XXYLT1: variants seen among roughly 807,000 people sequenced by gnomAD.
XXYLT1 encodes the protein UDP-xylose:alpha-xyloside alpha-1,3-xylosyltransferase.
In XXYLT1, 20 loss-of-function variants were observed where a neutral mutation model predicts 28.9. The ratio of observed to expected loss-of-function variants is 0.69; its 90% CI spans 0.49 to 1.00. XXYLT1 has a LOEUF of 1.00. XXYLT1 is among the 50% of genes least tolerant of loss of function. The pLI, the probability that XXYLT1 is intolerant of heterozygous loss-of-function variation, is 0.00. For synonymous variants in XXYLT1, 257 were observed against 253.8 expected, an observed-to-expected ratio of 1.01 and a Z score of -0.12; for missense variants, 542 against 560.1, an observed-to-expected ratio of 0.97 and a Z score of 0.33.
At chr3:195,104,160 C>T (rs1010348447) in intron 3 of XXYLT1, among the ~76,000 whole-genome samples, 2 of 151,336 alleles carry the variant, frequency 1.3e-5, no homozygotes, top group African/African-American at 4.9e-5. Context: ...TTTGGGAGCA[C>T]ACACCCACTG....
chr3:195,201,630 G>A (rs559567221), intron 2 of XXYLT1, among the ~76,000 whole-genome samples: 4 of 152,134 alleles, frequency 2.6e-5, no homozygotes, highest in East Asian at 1.9e-4. Flanking sequence ...GGCTTTTCAC[G>A]CTTTTGGCTC....
chr3:195,106,661 T>G (rs1717111875), intron 3 of XXYLT1, among the ~76,000 whole-genome samples: 1 of 152,220 alleles, frequency 6.6e-6, no homozygotes, highest in African/African-American at 2.4e-5. Flanking sequence ...GGGAGGGGCC[T>G]GGGGCGCCCC....
At chr3:195,075,049 C>T (rs1486522881) in intron 3 of XXYLT1, among the ~76,000 whole-genome samples, 2 of 152,116 alleles carry the variant, frequency 1.3e-5, no homozygotes, top group Non-Finnish European at 2.9e-5. Flanking sequence ...GTCAGGAGTT[C>T]GAGACCAGCC....
intron 1 of XXYLT1, among the ~76,000 whole-genome samples, chr3:195,265,035 C>T (rs186486647): frequency 7.2e-5 from 11 of 151,832 alleles, no homozygotes; most frequent in Non-Finnish European, 1.6e-4. Flanking sequence ...CTACTCTAGC[C>T]TGCGCGGCAG....
intron 3 of XXYLT1, among the ~76,000 whole-genome samples, chr3:195,139,280 A>C (rs555901240): frequency 6.6e-6 from 1 of 152,292 alleles, no homozygotes; most frequent in East Asian, 1.9e-4. Flanking sequence ...GACCCAGGAG[A>C]CTACGTCTGA....
intron 2 of XXYLT1, among the ~76,000 whole-genome samples, chr3:195,165,736 A>C (rs966839293): frequency 1.3e-5 from 2 of 152,108 alleles, no homozygotes; most frequent in African/African-American, 4.8e-5. Flanking sequence ...GGTGCTGTTG[A>C]TACTACATCT....
At chr3:195,199,374 G>A (rs933154752) in intron 2 of XXYLT1, among the ~76,000 whole-genome samples, 1 of 152,198 alleles carries the variant, frequency 6.6e-6, no homozygotes, top group Non-Finnish European at 1.5e-5. Context: ...CACTTTGGGA[G>A]AGTGAGGCAG....
At chr3:195,099,763 G>A (rs1388804478) in intron 3 of XXYLT1, among the ~76,000 whole-genome samples, 4 of 148,718 alleles carry the variant, frequency 2.7e-5, no homozygotes, top group Admixed American at 6.8e-5. Context: ...CCTGGGAGGC[G>A]GAGCTTGCAG....
At chr3:195,187,285 G>A (rs551461329) in intron 2 of XXYLT1, among the ~76,000 whole-genome samples, 10 of 149,578 alleles carry the variant, frequency 6.7e-5, no homozygotes, top group East Asian at 4.0e-4. Flanking sequence ...TATTTGTCTC[G>A]AACTCCTGAC....
chr3:195,116,315 A>T (rs1718040222), intron 3 of XXYLT1, among the ~76,000 whole-genome samples: 2 of 152,222 alleles, frequency 1.3e-5, no homozygotes, highest in Non-Finnish European at 2.9e-5. Flanking sequence ...AGAATGCTTT[A>T]AGCCAATGCT....
intron 1 of XXYLT1, chr3:195,259,496 G>A (rs999630004): frequency 1.2e-6 from 1 of 841,972 alleles, no homozygotes; most frequent in Non-Finnish European, 1.4e-6. Flanking sequence ...CAGCAGGGAG[G>A]CCTTCGGGCC....
At chr3:195,131,239 C>T (rs1718895569) in intron 3 of XXYLT1, among the ~76,000 whole-genome samples, 1 of 152,222 alleles carries the variant, frequency 6.6e-6, no homozygotes, top group Non-Finnish European at 1.5e-5. Flanking sequence ...AGCCGAACCA[C>T]CCTCTTTCCG....
rs1371231554 is a variant in XXYLT1, at chr3:195,068,552, G to A, written c.*1163C>T. On this transcript the variant is annotated 3_prime_UTR_variant, in exon 4 of 4. Coordinates refer to ENST00000310380, the MANE Select transcript of XXYLT1 (RefSeq NM_152531.5). ...GTGACATGTCTTCCAAGCCCACATG[G>A]TCACACTTGGGAATTGCTGGGTTCC... is the stretch of plus-strand genomic sequence containing the variant. The A allele has an allele frequency of 2.0e-5, 3 of 151,334 alleles. No homozygotes were observed. Among genetic ancestry groups the A allele is most frequent in the Non-Finnish European group, 4.4e-5 (3 of 67,894 alleles). The allele number at this position is 151,334 out of a possible 1,614,324, so 9.4% of individuals were successfully genotyped here.
chr3:195,120,983 T>G lies in XXYLT1; in HGVS notation c.785+35466A>C, dbSNP rs1312673346. Among the ~76,000 whole-genome samples the G allele has an allele frequency of 4.6e-5, 7 of 151,994 alleles. No individual in the cohort carries two copies. The East Asian group carries it at 9.7e-4, about 21-fold the overall frequency. On this transcript the variant is annotated intron_variant, in intron 3 of 3. Coordinates refer to ENST00000310380, the MANE Select transcript of XXYLT1 (RefSeq NM_152531.5). ...TCCCTGGGGCTCACAGGCAGGAGAG[T>G]GTGAGGGTGTGTGACGTGTGTTGGA...
At chr3:195,164,433 C>T (rs1001358478) in intron 2 of XXYLT1, among the ~76,000 whole-genome samples, 1 of 152,244 alleles carries the variant, frequency 6.6e-6, no homozygotes, top group Non-Finnish European at 1.5e-5. Flanking sequence ...CAGCCCCAGG[C>T]TGCCATCCTG....
At chr3:195,202,057 A>G (rs746413041) in intron 2 of XXYLT1, among the ~76,000 whole-genome samples, 5 of 151,778 alleles carry the variant, frequency 3.3e-5, no homozygotes, top group Admixed American at 1.3e-4. Context: ...TGCACCTGTA[A>G]TCCCAGCCAC....
intron 1 of XXYLT1, among the ~76,000 whole-genome samples, chr3:195,235,855 C>T (rs1724513753): frequency 6.6e-6 from 1 of 152,068 alleles, no homozygotes; most frequent in African/African-American, 2.4e-5. Flanking sequence ...TCCCTATCTC[C>T]CAGATGAATG....
chr3:195,172,198 C>T (rs1577106451), intron 2 of XXYLT1, among the ~76,000 whole-genome samples: 2 of 152,218 alleles, frequency 1.3e-5, no homozygotes, highest in East Asian at 3.8e-4. Context: ...CCAAGACAGA[C>T]AGAGCCCTTC....
At chr3:195,088,136 TTAGGTA>T (rs1715871336) in intron 3 of XXYLT1, among the ~76,000 whole-genome samples, 1 of 149,768 alleles carries the variant, frequency 6.7e-6, no homozygotes, top group Non-Finnish European at 1.5e-5. Context: ...CCAGGCTTGA[TTAGGTA>T]AACAAAGCAG....
Sources: allele counts gnomAD v4.1 joint callset (sites outside exome capture counted in the v4.1 genomes callset), GRCh38; gene constraint gnomAD v4.1.1; transcripts MANE v1.5; gene names NCBI Gene and HGNC (gene_info 2026-07-23, HGNC 2026-07-21).